Variants in GSE1 observed in about 807,000 individuals in gnomAD.
GSE1 encodes genetic suppressor element 1.
A neutral mutation model predicts 112.6 loss-of-function variants in GSE1; 32 were observed. That is an observed-to-expected ratio of 0.28 (90% CI 0.21 to 0.38). The LOEUF is 0.38. GSE1 is among the 10% of genes least tolerant of loss of function. GSE1 has a pLI of 1.00. For missense variants in GSE1, 2,348 were observed against 1,699.2 expected, an observed-to-expected ratio of 1.38 and a Z score of -6.71; for synonymous variants, 1,115 against 735.6, an observed-to-expected ratio of 1.52 and a Z score of -8.35.
At position 85,674,989 on chromosome 16, in the gene GSE1, CTG is replaced by C. The variant is rs1164617496; in HGVS notation, c.*2452_*2453del. ...GAATAAACTAAGAAAAAGGTAAGAA[CTG>C]TCTCAAAAACGAAAGCACACCACCC... On this transcript the variant is annotated 3_prime_UTR_variant, in exon 16 of 16. Coordinates refer to ENST00000253458, the MANE Select transcript of GSE1 (RefSeq NM_014615.5). 2 of 152,578 alleles carry C rather than the reference CTG, an allele frequency of 1.3e-5. No homozygotes were observed. The highest frequency in any genetic ancestry group is 2.9e-5 in the Non-Finnish European group (2 of 68,030). The allele number at this position is 152,578 out of a possible 1,614,324, so 9.5% of individuals were successfully genotyped here. A position where few individuals can be genotyped will look rare whatever the true frequency, so the allele number is the denominator to read the frequency against.
intron 2 of GSE1, among the ~76,000 whole-genome samples, chr16:85,433,439 C>T (rs767772415): frequency 7.2e-5 from 11 of 152,152 alleles, no homozygotes; most frequent in Non-Finnish European, 7.3e-5. Context: ...GAGTGCACAC[C>T]ACTGGCCGTG....
At chr16:85,354,202 C>A (rs370636330) in intron 1 of GSE1, among the ~76,000 whole-genome samples, 1 of 152,196 alleles carries the variant, frequency 6.6e-6, no homozygotes, top group African/African-American at 2.4e-5. Flanking sequence ...TTCCCTCTTG[C>A]CATCTTCTGT....
intron 1 of GSE1, among the ~76,000 whole-genome samples, chr16:85,241,189 C>T (rs1905140456): frequency 7.7e-6 from 1 of 130,234 alleles, no homozygotes; most frequent in African/African-American, 2.9e-5. Context: ...TTGGGCTCGG[C>T]TGCGAGACCT....
intron 1 of GSE1, chr16:85,285,192 A>G (rs2044982630): frequency 6.6e-6 from 1 of 152,232 alleles, no homozygotes; most frequent in Admixed American, 6.5e-5. Context: ...TGTGCCTGTG[A>G]CATGAAGCGC....
chr16:85,608,446 C>T (rs913545876), upstream of GSE1, among the ~76,000 whole-genome samples: 5 of 151,994 alleles, frequency 3.3e-5, no homozygotes, highest in Admixed American at 1.3e-4. Context: ...CTCCCTCCCC[C>T]GGCCCCCAAC....
chr16:85,539,697 G>A (rs769220270), intron 2 of GSE1, among the ~76,000 whole-genome samples: 1 of 152,188 alleles, frequency 6.6e-6, no homozygotes, highest in Admixed American at 6.5e-5. Flanking sequence ...CACGTTGAAG[G>A]GAAATTTGGG....
chr16:85,253,737 G>T (rs773415700), intron 1 of GSE1, among the ~76,000 whole-genome samples: 1 of 152,204 alleles, frequency 6.6e-6, no homozygotes, highest in Non-Finnish European at 1.5e-5. Context: ...GAGTGCTCCC[G>T]GTGGAGGGAA....
intron 2 of GSE1, among the ~76,000 whole-genome samples, chr16:85,501,604 A>G (rs1009263736): frequency 7.2e-5 from 11 of 151,808 alleles, no homozygotes; most frequent in African/African-American, 2.4e-4. Context: ...TATGTTGCCC[A>G]GGCTGGTCTC....
intron 1 of GSE1, among the ~76,000 whole-genome samples, chr16:85,209,204 G>T (rs1204485065): frequency 6.6e-6 from 1 of 152,142 alleles, no homozygotes; most frequent in African/African-American, 2.4e-5. Flanking sequence ...CGCAGGAATT[G>T]GCTCCTTTAA....
rs1340138040 is a variant in GSE1 at position 85,654,968 on chromosome 16, C to A, written c.774C>A (p.His258Gln). 36 of 1,601,488 alleles carry A rather than the reference C, an allele frequency of 2.2e-5. No homozygotes were observed. The highest frequency in any genetic ancestry group is 3.0e-5 in the Non-Finnish European group (35 of 1,175,064). ...AYYHPSYLAP[H>Q]PFPHPAFRMD... ...ACCACCCCAGCTACCTGGCCCCACA[C>A]CCCTTCCCCCACCCGGCCTTCAGGT... is the stretch of plus-strand genomic sequence containing the variant. Residue 258 changes from histidine (H) to glutamine (Q), a missense_variant, in exon 5 of 16, where the codon CAC becomes CAA. His to Gln is a conservative substitution (Grantham distance 24, BLOSUM62 0). Transcript: ENST00000253458.
intron 2 of GSE1, among the ~76,000 whole-genome samples, chr16:85,482,842 G>A (rs575937459): frequency 2.6e-5 from 4 of 152,160 alleles, no homozygotes; most frequent in Non-Finnish European, 5.9e-5. Context: ...GCCAGGCATG[G>A]TGGAGGGTGC....
chr16:85,189,125 T>G (rs1035181788), intron 1 of GSE1, among the ~76,000 whole-genome samples: 1 of 152,250 alleles, frequency 6.6e-6, no homozygotes, highest in Non-Finnish European at 1.5e-5. Context: ...ACATGCTCTT[T>G]CTTTCACATT....
chr16:85,477,753 G>A (rs546100544), intron 2 of GSE1, among the ~76,000 whole-genome samples: 1 of 151,810 alleles, frequency 6.6e-6, no homozygotes, highest in African/African-American at 2.4e-5. Context: ...GTAGAGACGG[G>A]GTTTCACTAT....
Position 85,323,713 on chromosome 16 carries a change from G to A in GSE1, c.2284-33750G>A, listed in dbSNP as rs369744992. Among the ~76,000 whole-genome samples the A allele has an allele frequency of 3.9e-5, 6 of 152,304 alleles. No individual in the cohort carries two copies. The East Asian group carries it at 7.7e-4, about 20-fold the overall frequency. ...GGTCTGGAGACCTGTGTCCAGGGCC[G>A]GCCCCAAGGGGGGCAACTGTGCAGA... On this transcript the variant is annotated intron_variant, in intron 1 of 2. Transcript: ENST00000637419.
At chr16:85,549,322 A>T (rs778519636) in intron 2 of GSE1, among the ~76,000 whole-genome samples, 2 of 152,054 alleles carry the variant, frequency 1.3e-5, no homozygotes, top group Non-Finnish European at 2.9e-5. Context: ...CTATAGGCAC[A>T]CACGCCACTA....
intron 1 of GSE1, among the ~76,000 whole-genome samples, chr16:85,312,698 G>A (rs759531853): frequency 1.1e-4 from 16 of 152,084 alleles, no homozygotes; most frequent in Non-Finnish European, 1.8e-4. Context: ...GGAGGGGGAG[G>A]AGGGAGAGGA....
chr16:85,588,713 G>A (rs984764948), intron 1 of GSE1, among the ~76,000 whole-genome samples: 3 of 152,178 alleles, frequency 2.0e-5, no homozygotes, highest in South Asian at 2.1e-4. Flanking sequence ...TTGGGCAGGC[G>A]GCGAAATCTG....
intron 1 of GSE1, among the ~76,000 whole-genome samples, chr16:85,217,835 T>G (rs569926031): frequency 9.8e-5 from 15 of 152,296 alleles, no homozygotes; most frequent in African/African-American, 3.6e-4. Context: ...GACTACCACC[T>G]GTGCACTCCC....
At chr16:85,431,730 C>A (rs1322518358) in intron 2 of GSE1, among the ~76,000 whole-genome samples, 4 of 152,210 alleles carry the variant, frequency 2.6e-5, no homozygotes, top group Admixed American at 1.3e-4. Context: ...GCACTCTGAG[C>A]ACCCAGGGCC....
Sources: allele counts gnomAD v4.1 joint callset (sites outside exome capture counted in the v4.1 genomes callset), GRCh38; gene constraint gnomAD v4.1.1; transcripts MANE v1.5; gene names NCBI Gene and HGNC (gene_info 2026-07-23, HGNC 2026-07-21).